The following SPTBN4 variants were observed in gnomAD, a reference collection of about 807,000 sequenced individuals.
SPTBN4 encodes spectrin beta chain, non-erythrocytic 4.
SPTBN4 carries 96 observed loss-of-function variants against 277.8 expected under a neutral mutation model. That is an observed-to-expected ratio of 0.35 (90% CI 0.29 to 0.41). The LOEUF (loss-of-function observed/expected upper bound fraction) is 0.41, where lower values mean the gene tolerates loss of function less well. SPTBN4 is among the 10% of genes least tolerant of loss of function. The pLI is 1.00. For missense variants in SPTBN4, 3,006 were observed against 3,595.7 expected (o/e 0.84, Z 4.19); for synonymous variants, 1,481 against 1,580.3 (o/e 0.94, Z 1.49).
chr19:40,528,705 GT>G (rs1449618849), intron 17 of SPTBN4, among the ~76,000 whole-genome samples: 2 of 151,282 alleles, frequency 1.3e-5, no homozygotes, highest in East Asian at 3.9e-4. Context: ...TCACTTTCTC[GT>G]TTGTTTTGTT....
At chr19:40,473,435 G>C (rs564542095) in intron 2 of SPTBN4, among the ~76,000 whole-genome samples, 4 of 139,006 alleles carry the variant, frequency 2.9e-5, no homozygotes. Context: ...TCGGCTCACC[G>C]CAACCTCCAC....
At chr19:40,476,362 A>AAAGAG (rs1555808911) in intron 2 of SPTBN4, among the ~76,000 whole-genome samples, 1 of 144,910 alleles carries the variant, frequency 6.9e-6, no homozygotes, top group Non-Finnish European at 1.5e-5. Flanking sequence ...AAAAAAAAAA[A>AAAGAG]AGAGAGAGAG....
rs146874062 is a variant in SPTBN4, at chr19:40,569,666, C to A, written c.6966C>A (p.Thr2322=). The A allele has an allele frequency of 2.0e-4, 329 of 1,612,778 alleles. 7 individuals carry two copies. The Middle Eastern group carries it at 9.1e-3, about 44-fold the overall frequency. Residue 2322 remains threonine (T), a synonymous_variant, in exon 32 of 36, where the codon ACC becomes ACA. Coordinates refer to ENST00000598249, the MANE Select transcript of SPTBN4 (RefSeq NM_020971.3). ...GTCCCCCATCCCCCAGGAAGGCCAC[C>A]CTGGCTGACATTGTGGAACAGCTGC... The part of the protein sequence containing the change: ...IRGDLVKGKA[T]LADIVEQLQE...
chr19:40,552,370 G>A (rs180797640), intron 22 of SPTBN4, among the ~76,000 whole-genome samples: 2 of 149,770 alleles, frequency 1.3e-5, no homozygotes, highest in African/African-American at 4.9e-5. Flanking sequence ...CAGGAGAATC[G>A]CTTGAACCTA....
chr19:40,494,550 G>GTATGTATC (rs2080173430), intron 5 of SPTBN4, among the ~76,000 whole-genome samples: 1 of 150,852 alleles, frequency 6.6e-6, no homozygotes, highest in African/African-American at 2.4e-5. Context: ...ATGTATGTAT[G>GTATGTATC]TATCTATCTA....
chr19:40,531,416 T>C (rs1281682170), intron 18 of SPTBN4, among the ~76,000 whole-genome samples: 1 of 150,286 alleles, frequency 6.7e-6, no homozygotes, highest in Admixed American at 6.7e-5. Context: ...TGTCCTTGGC[T>C]ATGACTGCAT....
At position 40,502,017 on chromosome 19, in the gene SPTBN4, G is replaced by A; in HGVS notation, c.881G>A (p.Gly294Glu). The stretch of plus-strand genomic sequence containing the variant: ...AAGATGAAGGCTCTGGCTGTGGAGG[G>A]GAAGCGTATCGGGAAGGTATAAGGA... ...FSKMKALAVEGKRIGKVLDQV... is the reference protein window; with the variant it reads ...FSKMKALAVEEKRIGKVLDQV... Residue 294 changes from glycine (G) to glutamate (E), a missense_variant, in exon 8 of 36, where the codon GGG becomes GAG. Gly to Glu is a moderately conservative substitution (Grantham distance 98, BLOSUM62 -2). Around this residue, in one of 5 missense-constraint regions of SPTBN4, gnomAD observed 1,759 missense variants for 2,061.5 expected, o/e 0.85. Transcript: ENST00000598249. The surrounding 1 kb of genome is among the most constrained non-coding windows in gnomAD (Gnocchi z 4.9). 1 of 1,614,230 alleles carries A rather than the reference G, an allele frequency of 6.2e-7. No homozygotes were observed. The highest frequency in any genetic ancestry group is 1.3e-5 in the African/African-American group (1 of 75,072).
At chr19:40,472,555 T>A in intron 1 of SPTBN4, 52 bp from the exon 2 acceptor site, 2 of 1,494,192 alleles carry the variant, frequency 1.3e-6, no homozygotes, top group Non-Finnish European at 1.8e-6. Flanking sequence ...AGCCAGTCAC[T>A]GTTAGAAATG....
chr19:40,488,763 T>C (rs2080102372), intron 3 of SPTBN4, among the ~76,000 whole-genome samples: 1 of 152,110 alleles, frequency 6.6e-6, no homozygotes, highest in Non-Finnish European at 1.5e-5. Flanking sequence ...TGAGCCATGA[T>C]TGCACCACTG....
chr19:40,571,256 A>C (rs937944590), intron 33 of SPTBN4, among the ~76,000 whole-genome samples: 3 of 152,112 alleles, frequency 2.0e-5, no homozygotes, highest in African/African-American at 7.2e-5. Context: ...GAAGTTTCAA[A>C]TTGGGGGAGG....
At chr19:40,567,220 C>T (rs1246500069) in intron 30 of SPTBN4, 1 of 435,332 alleles carries the variant, frequency 2.3e-6, no homozygotes, top group East Asian at 7.2e-5. Context: ...ATCACTTGAG[C>T]ACTGGAGGTC....
rs1010081441 is a variant in SPTBN4 at position 40,546,739 on chromosome 19, G to A, written c.4360-2450G>A. Among the ~76,000 whole-genome samples the A allele has an allele frequency of 2.6e-5, 4 of 152,128 alleles. 1 individual carries two copies. Among genetic ancestry groups the A allele is most frequent in the South Asian group, 4.1e-4 (2 of 4,828 alleles). On this transcript the variant is annotated intron_variant, in intron 20 of 35. Coordinates refer to ENST00000598249, the MANE Select transcript of SPTBN4 (RefSeq NM_020971.3). ...TGCTTGTAGTCCTAGCTACTTGGGA[G>A]GCTGAGGCAAGAGGATCCCTTGAGC...
chr19:40,547,788 G>T (rs2080875018), intron 20 of SPTBN4, among the ~76,000 whole-genome samples: 1 of 152,184 alleles, frequency 6.6e-6, no homozygotes, highest in Non-Finnish European at 1.5e-5. Flanking sequence ...CAGTGATGGT[G>T]AGCATTTTTT....
chr19:40,563,053 G>GA (rs2081059205), intron 27 of SPTBN4, among the ~76,000 whole-genome samples: 1 of 150,710 alleles, frequency 6.6e-6, no homozygotes, highest in Non-Finnish European at 1.5e-5. Flanking sequence ...CTACAAAAAA[G>GA]AAAAAAATTA....
In SPTBN4 at chr19:40,472,825, AGGG is replaced by A. The variant is rs1568751932; in HGVS notation, c.169+38_169+40del. 8 of 531,024 alleles carry A rather than the reference AGGG, an allele frequency of 1.5e-5. No individual in the cohort carries two copies. The South Asian group carries it at 2.2e-4, about 14-fold the overall frequency. 32.9% of individuals were successfully genotyped at this position (531,024 alleles called of 1,614,324 possible). A position where few individuals can be genotyped will look rare whatever the true frequency, so the allele number is the denominator to read the frequency against. ...GGAGGGCTGGGGTGGGATGAGGAGGAGGGGGAAGGGGGAAGGGTGCCCGAGAAC... is the reference window on the plus strand; with the variant it reads ...GGAGGGCTGGGGTGGGATGAGGAGGAGGAAGGGGGAAGGGTGCCCGAGAAC... On this transcript the variant is annotated intron_variant, in intron 2 of 35. Transcript: ENST00000598249.
At chr19:40,568,825 G>A (rs1253931662) in intron 31 of SPTBN4, among the ~76,000 whole-genome samples, 5 of 152,248 alleles carry the variant, frequency 3.3e-5, no homozygotes, top group Non-Finnish European at 7.3e-5. Context: ...GATCTGTCCA[G>A]TCAGCTGAGT....
intron 17 of SPTBN4, among the ~76,000 whole-genome samples, chr19:40,528,597 G>A (rs113029511): frequency 3.3e-5 from 5 of 151,934 alleles, no homozygotes; most frequent in South Asian, 2.1e-4. Context: ...CTCTTTCGTC[G>A]TCTGCTGCTC....
chr19:40,513,582 G>A (rs1298458755), intron 14 of SPTBN4, 28 bp downstream of exon 14: 1 of 1,505,564 alleles, frequency 6.6e-7, no homozygotes, highest in South Asian at 1.2e-5. Flanking sequence ...GGACTCCGGG[G>A]TCCCCTTCCT....
At chr19:40,536,194 C>T (rs2145903960) in intron 20 of SPTBN4, among the ~76,000 whole-genome samples, 1 of 151,648 alleles carries the variant, frequency 6.6e-6, no homozygotes, top group African/African-American at 2.4e-5. Flanking sequence ...CCTCTCTTTT[C>T]TTTTCCCCTC....
Sources: gnomAD v4.1 joint callset for allele counts (sites outside exome capture counted in the v4.1 genomes callset) on GRCh38, gnomAD v4.1.1 for gene constraint, gnomAD v4.1.1 regional missense constraint, Gnocchi (gnomAD v3.1) non-coding constraint, MANE v1.5 for transcripts, NCBI Gene and HGNC (gene_info 2026-07-23, HGNC 2026-07-21) for gene names.